ZNF423: variants seen among roughly 807,000 people sequenced by gnomAD.
ZNF423 encodes the protein Ebf-associated zinc finger protein.
In ZNF423, 12 loss-of-function variants were observed where a neutral mutation model predicts 95.8. The observed-to-expected ratio is 0.13, with a 90% CI of 0.08 to 0.20. ZNF423 has a LOEUF of 0.20. ZNF423 is among the 10% of genes least tolerant of loss of function. The pLI, the probability that ZNF423 is intolerant of heterozygous loss-of-function variation, is 1.00. For synonymous variants in ZNF423, 749 were observed against 711.9 expected (o/e 1.05, Z -0.83); for missense variants, 1,316 against 1,737.1 (o/e 0.76, Z 4.31).
At position 49,490,292 on chromosome 16, in the gene ZNF423, C is replaced by G. The variant is rs1966908686; in HGVS notation, c.*983G>C. 1 of 152,288 alleles carries G rather than the reference C, an allele frequency of 6.6e-6. No individual in the cohort carries two copies. The highest frequency in any genetic ancestry group is 1.9e-4 in the East Asian group (1 of 5,196). The allele number at this position is 152,288 out of a possible 1,614,324, so 9.4% of individuals were successfully genotyped here. On this transcript the variant is annotated 3_prime_UTR_variant, in exon 8 of 8. Transcript: ENST00000563137. The stretch of plus-strand genomic sequence containing the variant: ...GAAGACTTCACAATCAGCATGGTGA[C>G]CAACCTGCTGCGTGGCCTTGGGAAA...
intron 5 of ZNF423, among the ~76,000 whole-genome samples, chr16:49,579,699 C>T (rs62030978): frequency 0.087 from 13,160 of 152,096 alleles, 813 homozygotes; most frequent in East Asian, 0.27. Context: ...ATCCAGCCAG[C>T]CCCTGCTCCA....
chr16:49,569,031 C>G (rs1464289434), intron 5 of ZNF423, among the ~76,000 whole-genome samples: 1 of 152,126 alleles, frequency 6.6e-6, no homozygotes, highest in Non-Finnish European at 1.5e-5. Flanking sequence ...GAACAACATC[C>G]CTCCGAGGAA....
chr16:49,581,405 C>T (rs1970671105), intron 5 of ZNF423, among the ~76,000 whole-genome samples: 1 of 152,190 alleles, frequency 6.6e-6, no homozygotes, highest in Non-Finnish European at 1.5e-5. Flanking sequence ...ACTGAAATTA[C>T]ACGAATGAAG....
In ZNF423 at chr16:49,849,819, G is replaced by C. The variant is rs143083974; in HGVS notation, c.40+5916C>G. On this transcript the variant is annotated intron_variant, in intron 1 of 7. Coordinates refer to ENST00000563137, the MANE Select transcript of ZNF423 (RefSeq NM_001379286.1). The stretch of plus-strand genomic sequence containing the variant: ...AACTGAGCTCCGACATTGTGTAATT[G>C]ACTTTGCAAGTAGAACAACAGCAAC... Among the ~76,000 whole-genome samples the C allele has an allele frequency of 2.0e-3, 300 of 152,320 alleles. 2 individuals are homozygous for C. Among genetic ancestry groups the C allele is most frequent in the African/African-American group, 6.6e-3 (273 of 41,576 alleles).
chr16:49,745,934 G>A (rs987893844), intron 2 of ZNF423, among the ~76,000 whole-genome samples: 3 of 152,148 alleles, frequency 2.0e-5, no homozygotes, highest in Non-Finnish European at 4.4e-5. Flanking sequence ...CCCCACAGAA[G>A]GTCCAACTGG....
At chr16:49,680,684 G>A (rs957777750) in intron 3 of ZNF423, among the ~76,000 whole-genome samples, 4 of 152,158 alleles carry the variant, frequency 2.6e-5, no homozygotes, top group African/African-American at 4.8e-5. Context: ...GGAGCTGCCC[G>A]CCCCACCACA....
chr16:49,509,156 T>C (rs1967777133), intron 7 of ZNF423, among the ~76,000 whole-genome samples: 1 of 152,206 alleles, frequency 6.6e-6, no homozygotes, highest in African/African-American at 2.4e-5. Flanking sequence ...CTAAGTCGTC[T>C]AGCTGGTAAG....
intron 2 of ZNF423, among the ~76,000 whole-genome samples, chr16:49,773,364 T>G (rs1351134242): frequency 6.6e-6 from 1 of 151,970 alleles, no homozygotes; most frequent in East Asian, 1.9e-4. Context: ...TCAGATTTTG[T>G]GAGAACTCAC....
intron 5 of ZNF423, among the ~76,000 whole-genome samples, chr16:49,560,187 C>T (rs1455256915): frequency 1.3e-5 from 2 of 152,188 alleles, no homozygotes; most frequent in African/African-American, 4.8e-5. Context: ...ACAGCTGTCA[C>T]CAGGAGCCAG....
intron 5 of ZNF423, among the ~76,000 whole-genome samples, chr16:49,578,501 G>A (rs79640928): frequency 0.046 from 6,960 of 152,204 alleles, 221 homozygotes; most frequent in Middle Eastern, 0.088. Context: ...GAGCTTGTGG[G>A]CCGCGGGAGC....
chr16:49,776,122 G>A (rs1326944932), intron 2 of ZNF423, among the ~76,000 whole-genome samples: 1 of 152,222 alleles, frequency 6.6e-6, no homozygotes. Flanking sequence ...GAAGATGGTG[G>A]GAGCACATGG....
chr16:49,683,037 C>A (rs776879493), intron 3 of ZNF423, among the ~76,000 whole-genome samples: 18 of 152,224 alleles, frequency 1.2e-4, no homozygotes, highest in Non-Finnish European at 1.6e-4. Context: ...CTCTAGGCTG[C>A]AGAGCTGCAG....
At chr16:49,854,571 T>G in intron 1 of ZNF423, 3 of 985,428 alleles carry the variant, frequency 3.0e-6, no homozygotes, top group Non-Finnish European at 3.6e-6. Context: ...CTCCGTAGAC[T>G]TAGCCGCTCT....
chr16:49,661,553 G>T (rs1368715809), intron 3 of ZNF423, among the ~76,000 whole-genome samples: 2 of 152,192 alleles, frequency 1.3e-5, no homozygotes, highest in African/African-American at 4.8e-5. Context: ...CTCCTTCCCA[G>T]CCTGGGCTTC....
chr16:49,677,346 G>GGA (rs2031147811), intron 3 of ZNF423, among the ~76,000 whole-genome samples: 3 of 22,568 alleles, frequency 1.3e-4, no homozygotes, highest in African/African-American at 3.9e-4. Context: ...GGGAGGGGAG[G>GGA]AGGGGAGGGG....
At chr16:49,620,749 T>C (rs1288796595) in intron 5 of ZNF423, among the ~76,000 whole-genome samples, 2 of 152,108 alleles carry the variant, frequency 1.3e-5, no homozygotes, top group Non-Finnish European at 2.9e-5. Flanking sequence ...CATGGCAAGT[T>C]TGTTATCTCA....
chr16:49,789,488 T>A lies in ZNF423; in HGVS notation c.99A>T (p.Ala33=), dbSNP rs201984625. The change falls in exon 2 of 8, where the codon GCA becomes GCT. Residue 33 remains alanine, a splice_region_variant and synonymous_variant. Transcript: ENST00000563137. ...TTCCACCAGCCCCCGGGCATTTACC[T>A]GCTGCTGTCACGGAGGAATCCCAGG... The part of the protein sequence containing the change: ...SLAWDSSVTA[A]GGLEGEPECD... The A allele has an allele frequency of 5.6e-6, 9 of 1,612,066 alleles. No homozygotes were observed. Among genetic ancestry groups the A allele is most frequent in the Non-Finnish European group, 5.1e-6 (6 of 1,179,444 alleles).
In ZNF423 at chr16:49,584,960, A is replaced by G. The variant is rs187417942; in HGVS notation, c.3601+41210T>C. On this transcript the variant is annotated intron_variant, in intron 5 of 7. Transcript: ENST00000563137. ...CAGCTGTCTTGTCTGTGTCAGATCC[A>G]GAGCCTCCTCCCCGGCACTCACTTC... Among the ~76,000 whole-genome samples the G allele has an allele frequency of 1.8e-4, 27 of 152,318 alleles. No individual in the cohort carries two copies. In the East Asian group the frequency reaches 4.8e-3, roughly 27 times the overall value.
Position 49,530,626 on chromosome 16 carries a change from A to G in ZNF423, c.3602-5132T>C, listed in dbSNP as rs76026013. Among the ~76,000 whole-genome samples, 1,354 of 152,264 alleles carry G rather than the reference A, an allele frequency of 8.9e-3. 26 individuals are homozygous for G. Among genetic ancestry groups the G allele is most frequent in the African/African-American group, 0.03 (1,260 of 41,550 alleles). ...TTTGCGGTAGGGTGGGAGTGCTGGT[A>G]AATGCCATCACTATGCACCCATGGT... On this transcript the variant is annotated intron_variant, in intron 5 of 7. Transcript: ENST00000563137.
Sources: gnomAD v4.1 joint callset for allele counts (sites outside exome capture counted in the v4.1 genomes callset) on GRCh38, gnomAD v4.1.1 for gene constraint, MANE v1.5 for transcripts, NCBI Gene and HGNC (gene_info 2026-07-23, HGNC 2026-07-21) for gene names.